Variants in NAV3 observed in about 807,000 individuals in gnomAD.
NAV3 encodes pore membrane and/or filament interacting like protein 1.
Under a neutral mutation model 244.7 loss-of-function variants are expected in NAV3, and 87 were observed. That is an observed-to-expected ratio of 0.36 (90% CI 0.30 to 0.42). NAV3 has a LOEUF of 0.42. Among genes scored for constraint, NAV3 ranks in the 20% least tolerant of loss-of-function variants. The pLI is 1.00. For synonymous variants in NAV3, 1,126 were observed against 1,042.2 expected, an observed-to-expected ratio of 1.08 and a Z score of -1.55; for missense variants, 2,663 against 2,893.3, an observed-to-expected ratio of 0.92 and a Z score of 1.83.
rs142406805 is a variant in NAV3 at position 77,966,855 on chromosome 12, G to A, written c.487+554G>A. Among the ~76,000 whole-genome samples, 788 of 152,070 alleles carry A rather than the reference G, an allele frequency of 5.2e-3. 2 individuals carry two copies. The highest frequency in any genetic ancestry group is 7.9e-3 in the Non-Finnish European group (536 of 67,900). Reference sequence around the variant, plus strand: ...AGATCATCACTAAAATTGAAAGAGAGCAAAATGGGGAAAACTTGAACAAAT... The same window carrying A: ...AGATCATCACTAAAATTGAAAGAGAACAAAATGGGGAAAACTTGAACAAAT... On this transcript the variant is annotated intron_variant, in intron 4 of 39. Transcript: ENST00000397909.
intron 34 of NAV3, among the ~76,000 whole-genome samples, chr12:78,193,138 C>G (rs1593995523): frequency 6.6e-6 from 1 of 152,080 alleles, no homozygotes; most frequent in East Asian, 1.9e-4. Context: ...CTTACTGATT[C>G]AGAAAAAAAG....
intron 2 of NAV3, among the ~76,000 whole-genome samples, chr12:77,689,950 A>G (rs1727851): frequency 0.84 from 126,753 of 151,774 alleles, 54,677 homozygotes; most frequent in East Asian, 1. Flanking sequence ...TAATGATCAT[A>G]TGAAAAATAA....
At chr12:77,906,066 A>C (rs965672732) in intron 1 of NAV3, among the ~76,000 whole-genome samples, 4 of 152,164 alleles carry the variant, frequency 2.6e-5, no homozygotes, top group African/African-American at 9.6e-5. Flanking sequence ...ATTGTGGAGC[A>C]TGCAGGAAAG....
At chr12:78,089,184 A>T (rs1953793697) in intron 12 of NAV3, among the ~76,000 whole-genome samples, 1 of 152,128 alleles carries the variant, frequency 6.6e-6, no homozygotes, top group South Asian at 2.1e-4. Flanking sequence ...CCCAAAAAAA[A>T]GTCAATTTAT....
At chr12:77,894,251 C>T (rs1259866392) in intron 1 of NAV3, among the ~76,000 whole-genome samples, 1 of 151,844 alleles carries the variant, frequency 6.6e-6, no homozygotes, top group Non-Finnish European at 1.5e-5. Flanking sequence ...ATGAACATAA[C>T]CTAGAGAGAT....
rs371100870 is a variant in NAV3 at position 77,635,825 on chromosome 12, A to T, written c.72+63559A>T. On this transcript the variant is annotated intron_variant, in intron 2 of 8. Coordinates refer to the NAV3 transcript ENST00000550042. Reference sequence around the variant, plus strand: ...AACAATTAGAATTCCTATTTTGAAGATGAGAAAATTAAAGCTCTGTGAAAC... The same window carrying T: ...AACAATTAGAATTCCTATTTTGAAGTTGAGAAAATTAAAGCTCTGTGAAAC... 3.9e-5 allele frequency among the ~76,000 whole-genome samples: 6 copies of T among 152,342 alleles called. No homozygotes were observed. In the East Asian group the frequency reaches 5.8e-4, roughly 15 times the overall value.
At chr12:78,160,535 A>G (rs1264236176) in intron 23 of NAV3, among the ~76,000 whole-genome samples, 1 of 152,088 alleles carries the variant, frequency 6.6e-6, no homozygotes, top group Admixed American at 6.6e-5. Flanking sequence ...GCGTTCCTCT[A>G]TCTATCCATA....
chr12:78,121,598 T>C (rs1332999432), intron 15 of NAV3, among the ~76,000 whole-genome samples: 1 of 125,384 alleles, frequency 8.0e-6, no homozygotes, highest in Non-Finnish European at 1.8e-5. Context: ...GTTCTGTAAA[T>C]AGGTAACAGC....
rs766836697 is a variant in NAV3 at position 78,205,043 on chromosome 12, C to A, written c.6943C>A (p.Arg2315=). Residue 2315 remains arginine, a synonymous_variant, in exon 39 of 40, where the codon CGA becomes AGA. Transcript: ENST00000397909. ...GGAGAGCCCAGCCTTACTTCAGCTGCGACCAGAAGATGTTGGGTATGAAAG... is the reference window on the plus strand; with the variant it reads ...GGAGAGCCCAGCCTTACTTCAGCTGAGACCAGAAGATGTTGGGTATGAAAG... ...PQESPALLQL[R]PEDVGYESCT... 1.2e-6 allele frequency: 2 copies of A among 1,613,498 alleles called. No homozygotes were observed. The highest frequency in any genetic ancestry group is 3.3e-5 in the Admixed American group (2 of 59,886).
At chr12:78,197,099 A>T (rs1401839203) in intron 34 of NAV3, 148 bp from the exon 35 acceptor site, 1 of 528,774 alleles carries the variant, frequency 1.9e-6, no homozygotes, top group Non-Finnish European at 2.9e-6. Flanking sequence ...TTTGATTTGT[A>T]GGAAAAGATT....
intron 2 of NAV3, among the ~76,000 whole-genome samples, chr12:77,773,515 C>T (rs1870201879): frequency 1.3e-5 from 2 of 151,946 alleles, no homozygotes; most frequent in African/African-American, 4.8e-5. Context: ...TCTGGCTCAA[C>T]ATAGTAGAAA....
chr12:77,797,507 C>A (rs895654039), intron 2 of NAV3, among the ~76,000 whole-genome samples: 1 of 144,562 alleles, frequency 6.9e-6, no homozygotes, highest in Non-Finnish European at 1.5e-5. Context: ...AAGTCTTAAA[C>A]GTAGAATCTT....
At chr12:78,065,574 A>G (rs182463) in intron 12 of NAV3, among the ~76,000 whole-genome samples, 8,760 of 152,266 alleles carry the variant, frequency 0.058, 307 homozygotes, top group Admixed American at 0.078. Context: ...AATGGAGAGA[A>G]GAGGAAATAT....
Position 78,127,148 on chromosome 12 carries a change from G to A in NAV3, c.4239-19G>A, listed in dbSNP as rs1173439716. The A allele has an allele frequency of 1.2e-6, 2 of 1,612,776 alleles. No individual in the cohort carries two copies. The highest frequency in any genetic ancestry group is 1.7e-6 in the Non-Finnish European group (2 of 1,179,238). ...TTTTGTTTACATTATGTCCTTAGGG[G>A]TTTTCTTTGTTTTAACAGCATGCAG... On this transcript the variant is annotated intron_variant, in intron 16 of 39. Coordinates refer to ENST00000397909, the MANE Select transcript of NAV3 (RefSeq NM_001024383.2).
At chr12:77,929,774 A>G (rs920180782) in intron 1 of NAV3, among the ~76,000 whole-genome samples, 2 of 148,634 alleles carry the variant, frequency 1.3e-5, no homozygotes, top group Admixed American at 1.3e-4. Flanking sequence ...CTGAGATTAC[A>G]GGCACCCGCC....
intron 2 of NAV3, among the ~76,000 whole-genome samples, chr12:77,642,355 G>A (rs1872452203): frequency 6.6e-6 from 1 of 151,998 alleles, no homozygotes; most frequent in South Asian, 2.1e-4. Flanking sequence ...AGGAGCGTTG[G>A]TTTGTAGACT....
At chr12:77,596,136 A>G (rs1336040504) in intron 2 of NAV3, among the ~76,000 whole-genome samples, 5 of 152,166 alleles carry the variant, frequency 3.3e-5, no homozygotes, top group Admixed American at 3.3e-4. Flanking sequence ...GGTCCATATC[A>G]CAGCTCTGGT....
chr12:77,697,961 C>T (rs1875389258), intron 2 of NAV3, among the ~76,000 whole-genome samples: 1 of 151,984 alleles, frequency 6.6e-6, no homozygotes, highest in Non-Finnish European at 1.5e-5. Flanking sequence ...CTGTAAAAGT[C>T]ACAGCATTAT....
intron 1 of NAV3, among the ~76,000 whole-genome samples, chr12:77,891,236 AATTTATAAAGATAAATAC>A (rs1433441338): frequency 1.3e-5 from 2 of 150,056 alleles, no homozygotes; most frequent in Non-Finnish European, 3.0e-5. Context: ...TATAAAGATA[AATTTATAAAGATAAATAC>A]ATTTATAAAG....
Sources: gnomAD v4.1 joint callset for allele counts (sites outside exome capture counted in the v4.1 genomes callset) on GRCh38, gnomAD v4.1.1 for gene constraint, MANE v1.5 for transcripts, NCBI Gene and HGNC (gene_info 2026-07-23, HGNC 2026-07-21) for gene names.